HSD17B2: variants seen among roughly 807,000 people sequenced by gnomAD.
HSD17B2 encodes hydroxysteroid 17-beta dehydrogenase 2.
HSD17B2 carries 32 observed loss-of-function variants against 26.9 expected under a neutral mutation model. The observed-to-expected ratio is 1.19, with a 90% CI of 0.90 to 1.60. The LOEUF (loss-of-function observed/expected upper bound fraction) is 1.60, where lower values mean the gene tolerates loss of function less well. Among genes scored for constraint, HSD17B2 ranks in the 40% most tolerant of loss-of-function variants. HSD17B2 has a pLI of 0.00. For missense variants in HSD17B2, 613 were observed against 468.6 expected (o/e 1.31, Z -2.85); for synonymous variants, 246 against 186.7 (o/e 1.32, Z -2.59).
intron 1 of HSD17B2, among the ~76,000 whole-genome samples, chr16:82,050,291 C>T (rs1453693454): frequency 6.6e-6 from 1 of 151,964 alleles, no homozygotes; most frequent in Non-Finnish European, 1.5e-5. Context: ...GACCAGAATC[C>T]CAAGAACTCC....
At chr16:82,046,061 G>A (rs1913917575) in intron 1 of HSD17B2, among the ~76,000 whole-genome samples, 1 of 152,248 alleles carries the variant, frequency 6.6e-6, no homozygotes, top group Non-Finnish European at 1.5e-5. Context: ...GGAGCGAAGG[G>A]TGCTGACTGG....
chr16:82,075,118 A>C (rs1244724531), intron 3 of HSD17B2, among the ~76,000 whole-genome samples: 4 of 152,214 alleles, frequency 2.6e-5, no homozygotes, highest in African/African-American at 9.6e-5. Context: ...CAATGAAAAA[A>C]ATTAAGAAGG....
chr16:82,073,351 A>G (rs1317153076), intron 3 of HSD17B2, among the ~76,000 whole-genome samples: 1 of 151,622 alleles, frequency 6.6e-6, no homozygotes, highest in Non-Finnish European at 1.5e-5. Context: ...CAGCCTCCCT[A>G]GTAGCTGGGA....
chr16:82,076,667 T>C (rs1416221579), intron 3 of HSD17B2, among the ~76,000 whole-genome samples: 3 of 152,200 alleles, frequency 2.0e-5, no homozygotes, highest in Non-Finnish European at 4.4e-5. Context: ...CTCCACCTCC[T>C]GGATTTAGGT....
chr16:82,054,162 T>C (rs1300924508), intron 1 of HSD17B2, among the ~76,000 whole-genome samples: 3 of 148,366 alleles, frequency 2.0e-5, no homozygotes, highest in Admixed American at 6.8e-5. Context: ...AGTCCAAACA[T>C]GTAAGAGCCC....
At chr16:82,037,119 G>C (rs191209216) in intron 1 of HSD17B2, among the ~76,000 whole-genome samples, 2 of 152,240 alleles carry the variant, frequency 1.3e-5, no homozygotes, top group Admixed American at 6.5e-5. Flanking sequence ...ATTTAGTGTT[G>C]AGTGAGGATG....
chr16:82,082,458 G>T (rs1420546780), intron 3 of HSD17B2, among the ~76,000 whole-genome samples: 1 of 152,108 alleles, frequency 6.6e-6, no homozygotes, highest in Admixed American at 6.6e-5. Flanking sequence ...TCAGTTGATG[G>T]ACATTTAGGT....
At chr16:82,068,543 T>A (rs1345258750) in intron 2 of HSD17B2, among the ~76,000 whole-genome samples, 161 bp downstream of exon 2, 2 of 152,144 alleles carry the variant, frequency 1.3e-5, no homozygotes, top group East Asian at 3.9e-4. Flanking sequence ...TCTATCAACA[T>A]GAAGACCTTC....
chr16:82,039,346 A>AGG (rs1428942978), intron 1 of HSD17B2, among the ~76,000 whole-genome samples: 1 of 150,922 alleles, frequency 6.6e-6, no homozygotes, highest in Non-Finnish European at 1.5e-5. Flanking sequence ...AGAGAGAGAG[A>AGG]GAGAGGGAGA....
chr16:82,042,454 C>T (rs1230359427), intron 1 of HSD17B2, among the ~76,000 whole-genome samples: 2 of 152,164 alleles, frequency 1.3e-5, no homozygotes, highest in East Asian at 3.9e-4. Flanking sequence ...GGAGCACATA[C>T]CTCATGACTA....
rs76619395 is a variant in HSD17B2 at position 82,046,725 on chromosome 16, C to T, written c.265+11036C>T. Among the ~76,000 whole-genome samples, 969 of 152,054 alleles carry T rather than the reference C, an allele frequency of 6.4e-3. 8 individuals are homozygous for T. Among genetic ancestry groups the T allele is most frequent in the Non-Finnish European group, 0.01 (682 of 67,982 alleles). On this transcript the variant is annotated intron_variant, in intron 1 of 4. Transcript: ENST00000199936. ...ATCTTTAAGTGTACACAAGAGGAGC[C>T]AATGTACACAGTATACTCAATACCC...
intron 1 of HSD17B2, chr16:82,044,543 T>G (rs1222433559): frequency 6.6e-6 from 1 of 152,334 alleles, no homozygotes; most frequent in Non-Finnish European, 1.5e-5. Context: ...GGGTCTGGCC[T>G]CTTGGATTTT....
chr16:82,075,192 A>G (rs1240055554), intron 3 of HSD17B2, among the ~76,000 whole-genome samples: 1 of 152,168 alleles, frequency 6.6e-6, no homozygotes, highest in Non-Finnish European at 1.5e-5. Flanking sequence ...GGATGTGGTG[A>G]AAGTAGTACT....
intron 3 of HSD17B2, among the ~76,000 whole-genome samples, chr16:82,084,381 G>A (rs760340124): frequency 6.6e-6 from 1 of 151,958 alleles, no homozygotes; most frequent in Non-Finnish European, 1.5e-5. Flanking sequence ...TCTTTGGGGT[G>A]CAAAATCACC....
chr16:82,049,741 G>A (rs1914049111), intron 1 of HSD17B2, among the ~76,000 whole-genome samples: 1 of 152,222 alleles, frequency 6.6e-6, no homozygotes, highest in South Asian at 2.1e-4. Flanking sequence ...GCAGTTCATT[G>A]TTTTTACAGA....
intron 2 of HSD17B2, among the ~76,000 whole-genome samples, chr16:82,070,209 C>T (rs1288096346): frequency 1.3e-5 from 2 of 152,148 alleles, no homozygotes; most frequent in African/African-American, 4.8e-5. Flanking sequence ...ACTGGCTCTA[C>T]CACCTAACCA....
rs561008386 is a variant in HSD17B2 at position 82,084,846 on chromosome 16, C to A, written c.665-6056C>A. On this transcript the variant is annotated intron_variant, in intron 3 of 4. Transcript: ENST00000199936. ...CTCTTGGGCTCAAGCGATCCTCCCA[C>A]TTCAGTCTCCTGAGTAGCTGGGAAT... is the stretch of plus-strand genomic sequence containing the variant. 8.5e-5 allele frequency among the ~76,000 whole-genome samples: 13 copies of A among 152,318 alleles called. No individual in the cohort carries two copies. The South Asian group carries it at 2.7e-3, about 32-fold the overall frequency.
At chr16:82,040,325 G>C (rs1388841108) in intron 1 of HSD17B2, among the ~76,000 whole-genome samples, 1 of 152,194 alleles carries the variant, frequency 6.6e-6, no homozygotes, top group East Asian at 1.9e-4. Flanking sequence ...GATAAACATT[G>C]ACAGTGGACT....
rs2143978277 is a variant in HSD17B2, at chr16:82,068,207, T to C, written c.303T>C (p.Tyr101=). 2 of 1,614,192 alleles carry C rather than the reference T, an allele frequency of 1.2e-6. No homozygotes were observed. The highest frequency in any genetic ancestry group is 1.7e-6 in the Non-Finnish European group (2 of 1,180,036). ...GGCTTGGCCATGCTTTGTGCAAGTA[T>C]CTGGATGAGCTGGGCTTCACGGTAT... ...DCGLGHALCK[Y]LDELGFTVFA... Residue 101 remains tyrosine, a synonymous_variant, in exon 2 of 5, where the codon TAT becomes TAC. Transcript: ENST00000199936.
Sources: allele counts gnomAD v4.1 joint callset (sites outside exome capture counted in the v4.1 genomes callset), GRCh38; gene constraint gnomAD v4.1.1; transcripts MANE v1.5; gene names NCBI Gene and HGNC (gene_info 2026-07-23, HGNC 2026-07-21).